The following PDE4D variants were observed in gnomAD, a reference collection of about 807,000 sequenced individuals.
The protein encoded by PDE4D is phosphodiesterase 4D, also known as 3',5'-cyclic-AMP phosphodiesterase 4D.
PDE4D carries 24 observed loss-of-function variants against 87.4 expected under a neutral mutation model. That is an observed-to-expected ratio of 0.27 (90% CI 0.20 to 0.39). PDE4D has a LOEUF of 0.39. Ranked by LOEUF, PDE4D falls within the 10% of genes least tolerant of loss-of-function variation. PDE4D has a pLI of 1.00. For synonymous variants in PDE4D, 384 were observed against 383.2 expected, an observed-to-expected ratio of 1.00 and a Z score of -0.02; for missense variants, 714 against 1,041.0, an observed-to-expected ratio of 0.69 and a Z score of 4.32.
Position 58,990,910 on chromosome 5 carries a change from GAA to G in PDE4D, c.1189-10_1189-9del, listed in dbSNP as rs368587062. The stretch of plus-strand genomic sequence containing the variant: ...GTTCACATCTTCTAGTTCCTGGAGT[GAA>G]AAAAAAAAAAAGATACTAAAATATT... On this transcript the variant is annotated splice_polypyrimidine_tract_variant and intron_variant, in intron 8 of 14. Transcript: ENST00000340635. 11,647 of 1,025,618 alleles carry G rather than the reference GAA, an allele frequency of 0.011. No homozygotes were observed. The highest frequency in any genetic ancestry group is 0.014 in the South Asian group (863 of 60,154). 63.5% of individuals were successfully genotyped at this position (1,025,618 alleles called of 1,614,324 possible).
chr5:59,345,069 C>T (rs1247968307), intron 1 of PDE4D, among the ~76,000 whole-genome samples: 1 of 151,608 alleles, frequency 6.6e-6, no homozygotes, highest in South Asian at 2.1e-4. Flanking sequence ...GGAATCTTAA[C>T]ATTAAAAAGA....
intron 1 of PDE4D, among the ~76,000 whole-genome samples, chr5:59,576,725 T>C (rs926245693): frequency 6.6e-6 from 1 of 152,136 alleles, no homozygotes; most frequent in Non-Finnish European, 1.5e-5. Flanking sequence ...GCAGTGAAGA[T>C]CTCACAGAAT....
chr5:59,084,313 T>G (rs1459054401), intron 5 of PDE4D, among the ~76,000 whole-genome samples: 9 of 151,804 alleles, frequency 5.9e-5, no homozygotes, highest in Admixed American at 5.9e-4. Flanking sequence ...GTAAAATAAA[T>G]TCCATAATTA....
intron 1 of PDE4D, among the ~76,000 whole-genome samples, chr5:60,297,514 A>G (rs903509942): frequency 1.3e-5 from 2 of 152,240 alleles, no homozygotes; most frequent in African/African-American, 4.8e-5. Flanking sequence ...TGGTTACCAA[A>G]CATGCTATAA....
chr5:60,143,378 G>T (rs1780702994), intron 2 of PDE4D, among the ~76,000 whole-genome samples: 1 of 152,072 alleles, frequency 6.6e-6, no homozygotes, highest in Non-Finnish European at 1.5e-5. Context: ...TTTTAAAATG[G>T]AAATACATTG....
intron 1 of PDE4D, among the ~76,000 whole-genome samples, chr5:59,224,021 C>T (rs1343917919): frequency 1.3e-5 from 2 of 148,876 alleles, no homozygotes; most frequent in Non-Finnish European, 3.0e-5. Flanking sequence ...CATGGTGGCT[C>T]ACACTTGTAA....
At chr5:59,762,894 G>T (rs866361667) in intron 1 of PDE4D, among the ~76,000 whole-genome samples, 12,815 of 55,116 alleles carry the variant, frequency 0.23, 1,236 homozygotes, top group Middle Eastern at 0.41. Flanking sequence ...TATATATATA[G>T]CTTGCTCTTT....
intron 1 of PDE4D, among the ~76,000 whole-genome samples, chr5:59,723,846 T>C (rs1330255219): frequency 6.6e-6 from 1 of 152,190 alleles, no homozygotes; most frequent in Non-Finnish European, 1.5e-5. Flanking sequence ...TGGTTAACTT[T>C]TCTCCTTGTA....
intron 2 of PDE4D, among the ~76,000 whole-genome samples, chr5:59,195,341 G>A (rs1026965741): frequency 4.6e-5 from 7 of 152,186 alleles, no homozygotes; most frequent in African/African-American, 1.7e-4. Context: ...GGTAGGAGCA[G>A]GCCTGGTGCA....
chr5:59,671,685 G>A (rs537601754), intron 1 of PDE4D, among the ~76,000 whole-genome samples: 3 of 151,726 alleles, frequency 2.0e-5, no homozygotes, highest in African/African-American at 7.3e-5. Flanking sequence ...GTGTGAGCCC[G>A]TAGTCCCAGC....
intron 1 of PDE4D, among the ~76,000 whole-genome samples, chr5:59,778,250 T>C (rs1044038044): frequency 6.6e-6 from 1 of 152,178 alleles, no homozygotes; most frequent in Admixed American, 6.5e-5. Flanking sequence ...TACCACACTA[T>C]TGACCTATTA....
At chr5:60,502,461 G>A (rs939693857) in intron 1 of PDE4D, among the ~76,000 whole-genome samples, 4 of 152,172 alleles carry the variant, frequency 2.6e-5, no homozygotes, top group African/African-American at 9.6e-5. Context: ...TGTTCTTTTG[G>A]CTTAGGATTG....
intron 1 of PDE4D, among the ~76,000 whole-genome samples, chr5:59,331,635 C>A (rs776723095): frequency 1.2e-4 from 18 of 152,190 alleles, no homozygotes; most frequent in Non-Finnish European, 2.4e-4. Context: ...TTTCCAGAAT[C>A]ATTTTGATAA....
At chr5:59,779,336 G>A (rs1764382063) in intron 1 of PDE4D, among the ~76,000 whole-genome samples, 1 of 152,074 alleles carries the variant, frequency 6.6e-6, no homozygotes, top group Admixed American at 6.5e-5. Flanking sequence ...CCTTCCCCCA[G>A]GTAACTCTGT....
intron 1 of PDE4D, among the ~76,000 whole-genome samples, chr5:59,597,981 AT>A (rs1297028312): frequency 6.6e-6 from 1 of 152,180 alleles, no homozygotes; most frequent in Non-Finnish European, 1.5e-5. Context: ...TCCTAAAAAA[AT>A]CGCAATAGAC....
chr5:60,055,576 A>G lies in PDE4D; in HGVS notation c.43-66859T>C, dbSNP rs1770683337. Among the ~76,000 whole-genome samples the G allele has an allele frequency of 3.9e-5, 6 of 152,280 alleles. No individual in the cohort carries two copies. In the South Asian group the frequency reaches 1.2e-3, roughly 32 times the overall value. ...TAACCATAAATGTAATATATATATG[A>G]AAGTCGTGACTGCATACTATAAGAT... On this transcript the variant is annotated intron_variant, in intron 2 of 16. Transcript: ENST00000502484.
At chr5:59,280,596 C>G (rs1765630252) in intron 1 of PDE4D, among the ~76,000 whole-genome samples, 2 of 152,000 alleles carry the variant, frequency 1.3e-5, no homozygotes, top group South Asian at 4.1e-4. Context: ...GCAAATTTAA[C>G]ATTATTTTGA....
chr5:59,490,957 A>G (rs1400342738), intron 1 of PDE4D, among the ~76,000 whole-genome samples: 1 of 152,174 alleles, frequency 6.6e-6, no homozygotes. Flanking sequence ...CGTATAGACG[A>G]TCAAATCTTA....
chr5:58,971,115 C>T lies in PDE4D; in HGVS notation c.*3549G>A, dbSNP rs1340985003. 4 of 152,132 alleles carry T rather than the reference C, an allele frequency of 2.6e-5. No individual in the cohort carries two copies. The highest frequency in any genetic ancestry group is 5.9e-5 in the Non-Finnish European group (4 of 68,026). 9.4% of individuals were successfully genotyped at this position (152,132 alleles called of 1,614,324 possible). Reference sequence around the variant, plus strand: ...TGGCAGAATTCTAATCAATTAAAAGCCTGGATGTAAAATGCCCAGCCCTAG... The same window carrying T: ...TGGCAGAATTCTAATCAATTAAAAGTCTGGATGTAAAATGCCCAGCCCTAG... On this transcript the variant is annotated 3_prime_UTR_variant, in exon 15 of 15. Transcript: ENST00000340635.
Sources: allele counts gnomAD v4.1 joint callset (sites outside exome capture counted in the v4.1 genomes callset), GRCh38; gene constraint gnomAD v4.1.1; transcripts MANE v1.5; gene names NCBI Gene and HGNC (gene_info 2026-07-23, HGNC 2026-07-21).